Variants in TAFA5 observed in about 807,000 individuals in gnomAD.
TAFA5 encodes the protein TAFA chemokine like family member 5, also known as chemokine-like protein TAFA-5.
TAFA5 carries 6 observed loss-of-function variants against 15.3 expected under a neutral mutation model. The ratio of observed to expected loss-of-function variants is 0.39; its 90% CI spans 0.21 to 0.77. TAFA5 has a LOEUF of 0.77. Among genes scored for constraint, TAFA5 ranks in the 30% least tolerant of loss-of-function variants. TAFA5 has a pLI of 0.41. For missense variants in TAFA5, 161 were observed against 193.1 expected (o/e 0.83, Z 0.98); for synonymous variants, 103 against 80.7 (o/e 1.28, Z -1.48).
At chr22:48,559,929 G>C (rs546877400) in intron 1 of TAFA5, among the ~76,000 whole-genome samples, 117 of 152,294 alleles carry the variant, frequency 7.7e-4, no homozygotes, top group African/African-American at 2.8e-3. Flanking sequence ...TGGTAGAGAC[G>C]TTTCTATCTC....
chr22:48,505,868 T>A (rs1920989458), intron 1 of TAFA5, among the ~76,000 whole-genome samples: 2 of 152,152 alleles, frequency 1.3e-5, no homozygotes, highest in African/African-American at 4.8e-5. Flanking sequence ...GGGAAAGGGC[T>A]CCTGTGGACA....
chr22:48,611,844 T>C (rs188785760), intron 1 of TAFA5, among the ~76,000 whole-genome samples: 241 of 152,098 alleles, frequency 1.6e-3, no homozygotes, highest in African/African-American at 5.7e-3. Context: ...GTGCCTGGGG[T>C]GTGAGCCTTA....
chr22:48,664,109 A>C (rs569177781), intron 2 of TAFA5, among the ~76,000 whole-genome samples: 3 of 152,350 alleles, frequency 2.0e-5, no homozygotes, highest in African/African-American at 7.2e-5. Context: ...GTGTATAAAA[A>C]GTGCATAGTT....
chr22:48,507,257 GTTGGAGGAGAAGGAGA>G (rs1170299481), intron 1 of TAFA5, among the ~76,000 whole-genome samples: 2 of 151,044 alleles, frequency 1.3e-5, no homozygotes, highest in Non-Finnish European at 2.9e-5. Context: ...CAGGTGTGCA[GTTGGAGGAGAAGGAGA>G]CAGTCATCAA....
intron 1 of TAFA5, among the ~76,000 whole-genome samples, chr22:48,578,720 C>T (rs542370199): frequency 1.3e-5 from 2 of 152,306 alleles, no homozygotes; most frequent in South Asian, 2.1e-4. Flanking sequence ...CCTTCACCAC[C>T]CTGGGTTGAG....
intron 2 of TAFA5, among the ~76,000 whole-genome samples, chr22:48,659,767 G>A (rs1927371495): frequency 2.7e-4 from 1 of 3,698 alleles, no homozygotes; most frequent in Admixed American, 3.2e-3. Context: ...CTTTTTGGTG[G>A]GGAACAAGGA....
At chr22:48,618,796 C>T (rs1422520588) in intron 1 of TAFA5, among the ~76,000 whole-genome samples, 1 of 152,186 alleles carries the variant, frequency 6.6e-6, no homozygotes, top group Non-Finnish European at 1.5e-5. Context: ...GGGGTTGCCT[C>T]TGAGGCTCTC....
intron 2 of TAFA5, among the ~76,000 whole-genome samples, chr22:48,698,482 G>A (rs1928798830): frequency 6.6e-6 from 1 of 151,798 alleles, no homozygotes; most frequent in Admixed American, 6.6e-5. Flanking sequence ...TGAAGGTGAT[G>A]ATAGGGAGAG....
chr22:48,540,421 C>T (rs1443080814), intron 1 of TAFA5, among the ~76,000 whole-genome samples: 1 of 152,130 alleles, frequency 6.6e-6, no homozygotes, highest in Non-Finnish European at 1.5e-5. Context: ...AGAACTGACA[C>T]CCGCCATGGG....
intron 1 of TAFA5, among the ~76,000 whole-genome samples, chr22:48,537,550 A>G (rs372767140): frequency 2.9e-4 from 44 of 152,352 alleles, no homozygotes; most frequent in African/African-American, 7.9e-4. Flanking sequence ...CCCAGCCCAC[A>G]GGTCCCACAG....
chr22:48,746,096 C>T (rs1037231395), intron 3 of TAFA5, among the ~76,000 whole-genome samples: 1 of 152,018 alleles, frequency 6.6e-6, no homozygotes, highest in African/African-American at 2.4e-5. Context: ...AAGGAAAGGG[C>T]GTGTGTCCCC....
At chr22:48,502,668 C>G (rs1004238006) in intron 1 of TAFA5, among the ~76,000 whole-genome samples, 3 of 151,954 alleles carry the variant, frequency 2.0e-5, no homozygotes, top group African/African-American at 7.3e-5. Context: ...ACTACAGGCG[C>G]CCGCCACCAC....
chr22:48,707,252 C>T lies in TAFA5; in HGVS notation c.263-465C>T, dbSNP rs561217516. Among the ~76,000 whole-genome samples the T allele has an allele frequency of 1.4e-4, 22 of 152,280 alleles. No homozygotes were observed. In the South Asian group the frequency reaches 4.6e-3, roughly 32 times the overall value. On this transcript the variant is annotated intron_variant, in intron 2 of 3. Transcript: ENST00000402357. ...AATCGACTCCCCATCTCCAGCCTGGCCTCACTCTGAGCTCCAAGCCTGGGC... is the reference window on the plus strand; with the variant it reads ...AATCGACTCCCCATCTCCAGCCTGGTCTCACTCTGAGCTCCAAGCCTGGGC...
At chr22:48,534,727 G>A (rs952061888) in intron 1 of TAFA5, among the ~76,000 whole-genome samples, 1 of 152,208 alleles carries the variant, frequency 6.6e-6, no homozygotes, top group African/African-American at 2.4e-5. Flanking sequence ...CCCTGGAACG[G>A]GGGGAGGGGG....
At chr22:48,518,697 AG>A (rs1404438656) in intron 1 of TAFA5, among the ~76,000 whole-genome samples, 1 of 152,154 alleles carries the variant, frequency 6.6e-6, no homozygotes, top group Non-Finnish European at 1.5e-5. Flanking sequence ...TGACGAGAAC[AG>A]GGGGCCTGCA....
At chr22:48,617,769 T>C (rs1179321812) in intron 1 of TAFA5, among the ~76,000 whole-genome samples, 1 of 152,160 alleles carries the variant, frequency 6.6e-6, no homozygotes, top group Non-Finnish European at 1.5e-5. Context: ...CACGACCACA[T>C]GCCTGCTGGG....
chr22:48,577,598 C>A (rs993413385), intron 1 of TAFA5, among the ~76,000 whole-genome samples: 2 of 152,222 alleles, frequency 1.3e-5, no homozygotes, highest in African/African-American at 4.8e-5. Flanking sequence ...TGGGTTCCTG[C>A]AGAGGAAGGG....
chr22:48,698,722 G>T (rs1431549244), intron 2 of TAFA5, among the ~76,000 whole-genome samples: 1 of 27,316 alleles, frequency 3.7e-5, no homozygotes, highest in Non-Finnish European at 7.2e-5. Flanking sequence ...AGCTTTTCTG[G>T]CCCTACAGCG....
intron 2 of TAFA5, among the ~76,000 whole-genome samples, chr22:48,700,792 T>C (rs1401323662): frequency 6.6e-6 from 1 of 152,150 alleles, no homozygotes; most frequent in Non-Finnish European, 1.5e-5. Context: ...ACTTCAGCAG[T>C]TCAGATGTTC....
Sources: allele counts gnomAD v4.1 joint callset (sites outside exome capture counted in the v4.1 genomes callset), GRCh38; gene constraint gnomAD v4.1.1; transcripts MANE v1.5; gene names NCBI Gene and HGNC (gene_info 2026-07-23, HGNC 2026-07-21).